SMIM23: variants seen among roughly 807,000 people sequenced by gnomAD.
The protein encoded by SMIM23 is small integral membrane protein 23, also known as CTB-78H18.1.
In SMIM23, 10 loss-of-function variants were observed where a neutral mutation model predicts 12.8. That is an observed-to-expected ratio of 0.78 (90% CI 0.48 to 1.32). The LOEUF is 1.32. Ranked by LOEUF, SMIM23 falls within the 40% of genes most tolerant of loss-of-function variation. The pLI is 0.00. For synonymous variants in SMIM23, 78 were observed against 80.1 expected, an observed-to-expected ratio of 0.97 and a Z score of 0.14; for missense variants, 184 against 198.2, an observed-to-expected ratio of 0.93 and a Z score of 0.43.
chr5:171,791,127 G>C lies in SMIM23; in HGVS notation c.*39G>C, dbSNP rs190971950. On this transcript the variant is annotated 3_prime_UTR_variant, in exon 4 of 4. Transcript: ENST00000523047. ...AGTCAGGCAAGAAAATAAAGTAGTT[G>C]GGAAATGAAGTCCGCTGTTCACATT... 218 of 1,443,572 alleles carry C rather than the reference G, an allele frequency of 1.5e-4. 1 individual carries two copies. The Admixed American group carries it at 3.8e-3, about 25-fold the overall frequency. The allele number at this position is 1,443,572 out of a possible 1,614,324, so 89.4% of individuals were successfully genotyped here.
chr5:171,788,331 GACAA>G (rs755821518), intron 1 of SMIM23, among the ~76,000 whole-genome samples: 29 of 151,958 alleles, frequency 1.9e-4, no homozygotes, highest in African/African-American at 3.9e-4. Flanking sequence ...ATGTAAAGCA[GACAA>G]ACAATAAAAT....
the SMIM23 span, chr5:171,774,567 G>A: frequency 6.4e-5 from 29 of 455,792 alleles, no homozygotes; most frequent in Middle Eastern, 3.2e-4. Flanking sequence ...TTTATCTTGC[G>A]TAGGCCCATG....
upstream of SMIM23, among the ~76,000 whole-genome samples, chr5:171,781,482 C>T (rs917404197): frequency 6.6e-6 from 1 of 152,078 alleles, no homozygotes; most frequent in Non-Finnish European, 1.5e-5. Flanking sequence ...CTCCGCAAGC[C>T]TAACTGTAAA....
the SMIM23 span, among the ~76,000 whole-genome samples, chr5:171,777,007 T>C: frequency 1.3e-5 from 2 of 151,690 alleles, no homozygotes; most frequent in Non-Finnish European, 2.9e-5. Flanking sequence ...CACGACAGAG[T>C]GCATGACGGG....
chr5:171,774,748 G>A, the SMIM23 span: 185 of 380,932 alleles, frequency 4.9e-4, no homozygotes, highest in Non-Finnish European at 8.8e-4. Flanking sequence ...CAGCTATTGT[G>A]TCAAGAATCC....
chr5:171,774,203 T>C, the SMIM23 span: 2 of 358,262 alleles, frequency 5.6e-6, no homozygotes, highest in South Asian at 4.2e-5. Context: ...GCGATTGCTG[T>C]TGGCATGGAG....
chr5:171,775,328 TC>T, the SMIM23 span, among the ~76,000 whole-genome samples: 1 of 151,894 alleles, frequency 6.6e-6, no homozygotes, highest in Non-Finnish European at 1.5e-5. Context: ...AACTGAGCAT[TC>T]CCCCCAACCC....
chr5:171,772,921 G>A, the SMIM23 span, among the ~76,000 whole-genome samples: 2 of 152,154 alleles, frequency 1.3e-5, no homozygotes, highest in Non-Finnish European at 2.9e-5. Flanking sequence ...TTTCACTAAG[G>A]GTGATAGGCC....
At chr5:171,774,747 T>A in the SMIM23 span, 1 of 383,808 alleles carries the variant, frequency 2.6e-6, no homozygotes, top group East Asian at 7.2e-5. Context: ...GCAGCTATTG[T>A]GTCAAGAATC....
chr5:171,773,441 T>C, the SMIM23 span, among the ~76,000 whole-genome samples: 2 of 80,516 alleles, frequency 2.5e-5, no homozygotes, highest in African/African-American at 1.3e-4. Flanking sequence ...GGCTGCTTGC[T>C]TTTGGTTAAT....
In SMIM23 at chr5:171,791,121, G is replaced by GAAAAA; in HGVS notation, c.*33_*34insAAAAA. On this transcript the variant is annotated 3_prime_UTR_variant, in exon 4 of 4. Coordinates refer to ENST00000523047, the MANE Select transcript of SMIM23 (RefSeq NM_001289970.2). Reference sequence around the variant, plus strand: ...AGTTCCAGTCAGGCAAGAAAATAAAGTAGTTGGGAAATGAAGTCCGCTGTT... The same window carrying GAAAAA: ...AGTTCCAGTCAGGCAAGAAAATAAAGAAAAATAGTTGGGAAATGAAGTCCGCTGTT... 1 of 1,449,494 alleles carries GAAAAA rather than the reference G, an allele frequency of 6.9e-7. No homozygotes were observed. The highest frequency in any genetic ancestry group is 1.4e-5 in the South Asian group (1 of 69,190). 89.8% of individuals were successfully genotyped at this position (1,449,494 alleles called of 1,614,324 possible). A position where few individuals can be genotyped will look rare whatever the true frequency, so the allele number is the denominator to read the frequency against.
rs1293763304 is a variant in SMIM23 at position 171,788,393 on chromosome 5, T to C, written c.106-1837T>C. 2.0e-5 allele frequency among the ~76,000 whole-genome samples: 3 copies of C among 152,038 alleles called. No individual in the cohort carries two copies. In the East Asian group the frequency reaches 5.8e-4, roughly 29 times the overall value. On this transcript the variant is annotated intron_variant, in intron 1 of 3. Transcript: ENST00000523047. ...AAATTAAATTAAGAATTGGAAAACT[T>C]CTAAATAGACTCAACAAAAAACATA...
upstream of SMIM23, among the ~76,000 whole-genome samples, chr5:171,784,350 A>T (rs1755775922): frequency 6.6e-6 from 1 of 152,006 alleles, no homozygotes; most frequent in Non-Finnish European, 1.5e-5. Flanking sequence ...CTAAAAATAC[A>T]AAAAATTAGC....
Position 171,790,943 on chromosome 5 carries a change from T to A in SMIM23, c.374T>A (p.Leu125Gln), listed in dbSNP as rs1581077034. The part of the protein sequence containing the change: ...EQLAWDLELW[L>Q]DALLGEPHQE... Reference sequence around the variant, plus strand: ...CTAGCGTGGGACCTGGAACTGTGGCTGGATGCTCTTCTGGGAGAGCCACAC... The same window carrying A: ...CTAGCGTGGGACCTGGAACTGTGGCAGGATGCTCTTCTGGGAGAGCCACAC... Residue 125 changes from leucine (L) to glutamine (Q), a missense_variant, in exon 4 of 4, where the codon CTG becomes CAG. Transcript: ENST00000523047. 6.5e-7 allele frequency: 1 copy of A among 1,535,918 alleles called. No individual in the cohort carries two copies.
intron 1 of SMIM23, 51 bp downstream of exon 1, chr5:171,786,027 G>A (rs1425701457): frequency 1.8e-5 from 25 of 1,415,426 alleles, no homozygotes; most frequent in Non-Finnish European, 2.4e-5. Context: ...GGCTCCTTTT[G>A]CCACTCCAGA....
upstream of SMIM23, among the ~76,000 whole-genome samples, chr5:171,784,906 A>AAAAAG (rs1755787467): frequency 6.6e-6 from 1 of 152,210 alleles, no homozygotes; most frequent in Non-Finnish European, 1.5e-5. Context: ...AGGGAATTAT[A>AAAAAG]CTATGTTTTT....
At chr5:171,780,729 G>A (rs1581070296), upstream of SMIM23, among the ~76,000 whole-genome samples, 1 of 152,252 alleles carries the variant, frequency 6.6e-6, no homozygotes, top group East Asian at 1.9e-4. Flanking sequence ...TCAAGATGAT[G>A]CAAATGGCCT....
upstream of SMIM23, among the ~76,000 whole-genome samples, chr5:171,781,542 C>G (rs1212219334): frequency 6.7e-6 from 1 of 149,892 alleles, no homozygotes; most frequent in African/African-American, 2.5e-5. Flanking sequence ...GAAGTGCCCC[C>G]CCCCGTCTCT....
chr5:171,778,490 CACAGATAG>C (rs1192734515), upstream of SMIM23, among the ~76,000 whole-genome samples: 4 of 108,064 alleles, frequency 3.7e-5, no homozygotes, highest in Non-Finnish European at 8.1e-5. Context: ...CACACACACA[CACAGATAG>C]AGACAGAGAG....
Sources: allele counts gnomAD v4.1 joint callset (sites outside exome capture counted in the v4.1 genomes callset), GRCh38; gene constraint gnomAD v4.1.1; transcripts MANE v1.5; gene names NCBI Gene and HGNC (gene_info 2026-07-23, HGNC 2026-07-21).